ADAMTSL1: variants seen among roughly 807,000 people sequenced by gnomAD.
ADAMTSL1 encodes the protein ADAMTS like 1.
Under a neutral mutation model 201.8 loss-of-function variants are expected in ADAMTSL1, and 126 were observed. The observed-to-expected ratio is 0.62, with a 90% confidence interval of 0.54 to 0.72. ADAMTSL1 has a LOEUF of 0.72. Among genes scored for constraint, ADAMTSL1 ranks in the 30% least tolerant of loss-of-function variants. The pLI, the probability that ADAMTSL1 is intolerant of heterozygous loss-of-function variation, is 0.00. For synonymous variants in ADAMTSL1, 1,121 were observed against 903.4 expected (o/e 1.24, Z -4.32); for missense variants, 2,679 against 2,277.8 (o/e 1.18, Z -3.59).
At chr9:18,450,451 C>T (rs563832634) in intron 2 of ADAMTSL1, among the ~76,000 whole-genome samples, 7 of 152,208 alleles carry the variant, frequency 4.6e-5, no homozygotes, top group African/African-American at 1.7e-4. Context: ...GTAAGTAAAT[C>T]AGCAAAGTCA....
intron 15 of ADAMTSL1, among the ~76,000 whole-genome samples, chr9:18,735,449 A>G (rs1013591152): frequency 6.6e-5 from 10 of 152,334 alleles, no homozygotes; most frequent in African/African-American, 2.2e-4. Context: ...TCAGAGCCCC[A>G]CTATCTGATC....
intron 5 of ADAMTSL1, among the ~76,000 whole-genome samples, chr9:18,632,824 C>G (rs1826861342): frequency 6.6e-6 from 1 of 152,122 alleles, no homozygotes; most frequent in Non-Finnish European, 1.5e-5. Flanking sequence ...AGAGTTTGTA[C>G]CAGCCTGACT....
chr9:17,930,306 A>G (rs1468225636), intron 1 of ADAMTSL1, among the ~76,000 whole-genome samples: 1 of 152,034 alleles, frequency 6.6e-6, no homozygotes, highest in African/African-American at 2.4e-5. Context: ...CTGTATCTGG[A>G]TGACATATGG....
intron 26 of ADAMTSL1, among the ~76,000 whole-genome samples, chr9:18,898,424 T>C (rs2131591917): frequency 6.6e-6 from 1 of 152,244 alleles, no homozygotes; most frequent in Non-Finnish European, 1.5e-5. Flanking sequence ...ACCTCAGAAC[T>C]TGATGACTAT....
At chr9:18,261,495 G>A (rs920160545) in intron 2 of ADAMTSL1, among the ~76,000 whole-genome samples, 36 of 152,290 alleles carry the variant, frequency 2.4e-4, no homozygotes, top group African/African-American at 8.7e-4. Context: ...CTAAGCCTCA[G>A]ACTTTTCACC....
At chr9:18,098,325 A>G (rs1294386821) in intron 1 of ADAMTSL1, among the ~76,000 whole-genome samples, 1 of 152,150 alleles carries the variant, frequency 6.6e-6, no homozygotes, top group Non-Finnish European at 1.5e-5. Flanking sequence ...TAATCAGTTT[A>G]TTCATTTATA....
chr9:17,980,470 G>A (rs1023433694), intron 1 of ADAMTSL1, among the ~76,000 whole-genome samples: 4 of 151,636 alleles, frequency 2.6e-5, no homozygotes, highest in African/African-American at 7.3e-5. Context: ...TTGATTACTA[G>A]CTATACTTTT....
At chr9:18,382,674 G>A (rs1837606226) in intron 2 of ADAMTSL1, among the ~76,000 whole-genome samples, 1 of 151,996 alleles carries the variant, frequency 6.6e-6, no homozygotes, top group African/African-American at 2.4e-5. Flanking sequence ...AGGAGACCAG[G>A]GCTTCAGGAT....
chr9:18,886,971 C>T (rs933998802), intron 23 of ADAMTSL1, among the ~76,000 whole-genome samples: 2 of 151,886 alleles, frequency 1.3e-5, no homozygotes, highest in Non-Finnish European at 2.9e-5. Flanking sequence ...GTCCCCAGAG[C>T]AGTAGGTACC....
At chr9:18,866,106 C>A (rs922151764) in intron 23 of ADAMTSL1, among the ~76,000 whole-genome samples, 1 of 33,618 alleles carries the variant, frequency 3.0e-5, no homozygotes, top group South Asian at 1.5e-3. Context: ...GATTGCTTGC[C>A]TTCAAAAACC....
At chr9:18,134,052 T>C (rs1826058015) in intron 1 of ADAMTSL1, among the ~76,000 whole-genome samples, 1 of 152,206 alleles carries the variant, frequency 6.6e-6, no homozygotes, top group South Asian at 2.1e-4. Context: ...CACATAATTC[T>C]TTAAGTTACC....
At chr9:18,200,980 T>C (rs967591284) in intron 2 of ADAMTSL1, among the ~76,000 whole-genome samples, 4 of 152,076 alleles carry the variant, frequency 2.6e-5, no homozygotes, top group African/African-American at 9.7e-5. Flanking sequence ...GCTTGAGTTC[T>C]AGTCTTCACC....
chr9:18,907,005 T>C (rs1171489652), intron 28 of ADAMTSL1, 93 bp downstream of exon 28: 8 of 1,412,948 alleles, frequency 5.7e-6, no homozygotes, highest in Non-Finnish European at 6.8e-6. Context: ...GCATAGGGCA[T>C]GGGGTCAGCT....
intron 23 of ADAMTSL1, among the ~76,000 whole-genome samples, chr9:18,839,546 C>T (rs1825576193): frequency 6.6e-6 from 1 of 152,130 alleles, no homozygotes; most frequent in South Asian, 2.1e-4. Flanking sequence ...TGGGTATATA[C>T]CCAGTAATGG....
At chr9:18,055,670 G>C (rs1204717189) in intron 1 of ADAMTSL1, among the ~76,000 whole-genome samples, 2 of 152,194 alleles carry the variant, frequency 1.3e-5, no homozygotes, top group Admixed American at 1.3e-4. Context: ...TAATCGCAGG[G>C]GCGCTGTGTC....
chr9:18,479,077 T>C (rs147103311), intron 1 of ADAMTSL1, among the ~76,000 whole-genome samples: 10 of 152,322 alleles, frequency 6.6e-5, no homozygotes, highest in Admixed American at 1.3e-4. Context: ...GCCTGCCTGC[T>C]AACTGGGGTA....
intron 1 of ADAMTSL1, among the ~76,000 whole-genome samples, chr9:18,050,769 G>A (rs562654936): frequency 1.2e-4 from 19 of 152,250 alleles, no homozygotes; most frequent in South Asian, 2.1e-4. Flanking sequence ...TTAATATTTA[G>A]GGGGAAACAT....
chr9:18,099,712 A>G (rs1379548006), intron 1 of ADAMTSL1, among the ~76,000 whole-genome samples: 1 of 141,936 alleles, frequency 7.0e-6, no homozygotes, highest in Non-Finnish European at 1.5e-5. Context: ...ATCTTGGCTC[A>G]CTGCAAGCTC....
At chr9:18,300,308 G>A (rs1321569726) in intron 2 of ADAMTSL1, among the ~76,000 whole-genome samples, 1 of 152,148 alleles carries the variant, frequency 6.6e-6, no homozygotes, top group Non-Finnish European at 1.5e-5. Flanking sequence ...TATGTCCTTT[G>A]CAGGGACGTG....
Sources: gnomAD v4.1 joint callset for allele counts (sites outside exome capture counted in the v4.1 genomes callset) on GRCh38, gnomAD v4.1.1 for gene constraint, MANE v1.5 for transcripts, NCBI Gene and HGNC (gene_info 2026-07-23, HGNC 2026-07-21) for gene names.